Variants in AGO2 observed in about 807,000 individuals in gnomAD.
The protein encoded by AGO2 is protein argonaute-2.
In AGO2, 5 loss-of-function variants were observed where a neutral mutation model predicts 102.3. The observed-to-expected ratio is 0.05, with a 90% confidence interval of 0.03 to 0.10. The LOEUF (loss-of-function observed/expected upper bound fraction) is 0.10. AGO2 is among the 10% of genes least tolerant of loss of function. The probability of loss-of-function intolerance (pLI) is 1.00; values close to 1 mark genes in which losing one functional copy is unlikely to be tolerated. For synonymous variants in AGO2, 449 were observed against 473.1 expected (o/e 0.95, Z 0.66); for missense variants, 541 against 1,183.7 (o/e 0.46, Z 7.97).
chr8:140,527,940 CAG>C lies in AGO2; in HGVS notation c.*4102_*4103del, dbSNP rs1341708722. 1 of 152,244 alleles carries C rather than the reference CAG, an allele frequency of 6.6e-6. No homozygotes were observed. The highest frequency in any genetic ancestry group is 2.4e-5 in the African/African-American group (1 of 41,472). 9.4% of individuals were successfully genotyped at this position (152,244 alleles called of 1,614,324 possible). On this transcript the variant is annotated 3_prime_UTR_variant, in exon 19 of 19. Coordinates refer to ENST00000220592, the MANE Select transcript of AGO2 (RefSeq NM_012154.5). This position sits in a 1 kb window ranked among gnomAD's most constrained non-coding sequence, Gnocchi z 6.0. ...CCCGCCGAAGGACTCATCCAGTTCC[CAG>C]AGGCGCAGGGAACAAGCCACGGGCC...
rs1045858431 is a variant in AGO2 at position 140,544,446 on chromosome 8, C to T, written c.1749-143G>A. The stretch of plus-strand genomic sequence containing the variant: ...GAATCCTTATCTTTTAACCGGAATA[C>T]TAAAAACCCTGCAGATTAAATGACA... On this transcript the variant is annotated intron_variant, in intron 13 of 18. Transcript: ENST00000220592. The T allele has an allele frequency of 8.7e-6, 6 of 691,404 alleles. No individual in the cohort carries two copies. In the African/African-American group the frequency reaches 9.6e-5, roughly 11 times the overall value. 42.8% of individuals were successfully genotyped at this position (691,404 alleles called of 1,614,324 possible).
intron 17 of AGO2, among the ~76,000 whole-genome samples, chr8:140,533,871 C>T (rs1373063561): frequency 6.6e-6 from 1 of 151,968 alleles, no homozygotes. Flanking sequence ...AGAGTGTGAA[C>T]GTGAGTACCA....
chr8:140,617,271 T>C (rs2074153072), intron 1 of AGO2, among the ~76,000 whole-genome samples: 1 of 152,078 alleles, frequency 6.6e-6, no homozygotes, highest in South Asian at 2.1e-4. Flanking sequence ...ACTCTTTTTT[T>C]TTTTCGAGAT....
chr8:140,532,181 G>A lies in AGO2; in HGVS notation c.2472-29C>T, dbSNP rs777062259. 2.5e-6 allele frequency: 4 copies of A among 1,596,018 alleles called. No homozygotes were observed. The East Asian group carries it at 6.7e-5, about 27-fold the overall frequency. On this transcript the variant is annotated intron_variant, in intron 18 of 18. Transcript: ENST00000220592. Reference sequence around the variant, plus strand: ...CAGGGATGAGAGAGAGAGAGAATGAGAATGTGCAGCCTTAATGCACGATGA... The same window carrying A: ...CAGGGATGAGAGAGAGAGAGAATGAAAATGTGCAGCCTTAATGCACGATGA...
intron 2 of AGO2, among the ~76,000 whole-genome samples, chr8:140,582,576 T>A (rs2073573704): frequency 6.6e-6 from 1 of 152,132 alleles, no homozygotes; most frequent in Admixed American, 6.5e-5. Flanking sequence ...AACAGGTAAA[T>A]CAGTGGGGAA....
intron 1 of AGO2, among the ~76,000 whole-genome samples, chr8:140,628,385 A>ATG (rs2074301080): frequency 2.0e-5 from 3 of 152,288 alleles, no homozygotes; most frequent in Admixed American, 6.5e-5. Context: ...AGCTGCAGGC[A>ATG]CGTGTGTGTG....
At position 140,539,250 on chromosome 8, in the gene AGO2, G is replaced by T. The variant is rs2132873199; in HGVS notation, c.2169+70C>A. On this transcript the variant is annotated intron_variant, in intron 16 of 18. Coordinates refer to ENST00000220592, the MANE Select transcript of AGO2 (RefSeq NM_012154.5). This position sits in a 1 kb window ranked among gnomAD's most constrained non-coding sequence, Gnocchi z 4.7. ...GGCACTGTGGCCAGCAGGTTCTCTT[G>T]TGAGTGTGCTCGGGGTGTGGGGCTG... 2.0e-6 allele frequency: 3 copies of T among 1,528,582 alleles called. No individual in the cohort carries two copies. Among genetic ancestry groups the T allele is most frequent in the East Asian group, 4.6e-5 (2 of 43,478 alleles). 94.7% of individuals were successfully genotyped at this position (1,528,582 alleles called of 1,614,324 possible). A position where few individuals can be genotyped will look rare whatever the true frequency, so the allele number is the denominator to read the frequency against.
At chr8:140,597,161 C>A (rs536032125) in intron 1 of AGO2, among the ~76,000 whole-genome samples, 1 of 152,386 alleles carries the variant, frequency 6.6e-6, no homozygotes, top group African/African-American at 2.4e-5. Context: ...CACGCCCCTG[C>A]ACTGTGTCCC....
chr8:140,604,687 C>T (rs55663443), intron 1 of AGO2, among the ~76,000 whole-genome samples: 8,995 of 152,138 alleles, frequency 0.059, 770 homozygotes, highest in African/African-American at 0.19. Context: ...GTTAGCCGGG[C>T]GTGGTGGCGG....
At chr8:140,548,632 GT>G (rs1238488555) in intron 12 of AGO2, among the ~76,000 whole-genome samples, 1 of 152,192 alleles carries the variant, frequency 6.6e-6, no homozygotes, top group Non-Finnish European at 1.5e-5. Context: ...GAGAAGTGTG[GT>G]TTTTACATGT....
At chr8:140,582,383 C>G (rs1411732608) in intron 2 of AGO2, among the ~76,000 whole-genome samples, 4 of 152,194 alleles carry the variant, frequency 2.6e-5, no homozygotes, top group African/African-American at 7.2e-5. Context: ...AAAGGAAATG[C>G]TCATTGGAGC....
At chr8:140,605,788 G>A (rs2073990228) in intron 1 of AGO2, 1 of 152,266 alleles carries the variant, frequency 6.6e-6, no homozygotes, top group South Asian at 2.1e-4. Flanking sequence ...GGAGGAGAAA[G>A]CTACAAACCT....
At chr8:140,553,128 TG>T (rs2073031022) in intron 10 of AGO2, among the ~76,000 whole-genome samples, 1 of 152,208 alleles carries the variant, frequency 6.6e-6, no homozygotes, top group Non-Finnish European at 1.5e-5. Context: ...TCAGGTGCAG[TG>T]GCTTACACCT....
chr8:140,584,482 T>G (rs77229590), intron 2 of AGO2, among the ~76,000 whole-genome samples: 1 of 152,218 alleles, frequency 6.6e-6, no homozygotes, highest in Admixed American at 6.5e-5. Context: ...ATTCTACTCC[T>G]AGGTATTTAT....
intron 3 of AGO2, among the ~76,000 whole-genome samples, chr8:140,569,014 T>G (rs1377178547): frequency 6.6e-6 from 1 of 152,072 alleles, no homozygotes; most frequent in African/African-American, 2.4e-5. Flanking sequence ...TTCCTAGGCC[T>G]CTCCTCGCCC....
At chr8:140,580,866 C>A (rs138303884) in intron 2 of AGO2, among the ~76,000 whole-genome samples, 65 of 152,376 alleles carry the variant, frequency 4.3e-4, no homozygotes, top group African/African-American at 1.5e-3. Context: ...TTGGCCTTGG[C>A]CCTGTGCATG....
chr8:140,568,484 C>G (rs116166206), intron 3 of AGO2, among the ~76,000 whole-genome samples: 1 of 152,140 alleles, frequency 6.6e-6, no homozygotes, highest in African/African-American at 2.4e-5. Flanking sequence ...TGGCTGGCCA[C>G]GAGGATCCTG....
rs369362803 is a variant in AGO2, at chr8:140,544,872, G to A, written c.1749-569C>T. The stretch of plus-strand genomic sequence containing the variant: ...TCAGACCCTGAGTATATCCCAGTGG[G>A]GACTTCCCTGGGAGGCAGCACGCAC... On this transcript the variant is annotated intron_variant, in intron 13 of 18. Coordinates refer to ENST00000220592, the MANE Select transcript of AGO2 (RefSeq NM_012154.5). Among the ~76,000 whole-genome samples, 32 of 152,304 alleles carry A rather than the reference G, an allele frequency of 2.1e-4. 1 individual carries two copies. The highest frequency in any genetic ancestry group is 4.6e-4 in the Admixed American group (7 of 15,302).
At chr8:140,554,570 GA>G (rs1479994649) in intron 10 of AGO2, among the ~76,000 whole-genome samples, 7 of 152,200 alleles carry the variant, frequency 4.6e-5, no homozygotes, top group Non-Finnish European at 1.0e-4. Context: ...TTTTACAAAG[GA>G]GAAGGAACAC....
Sources: gnomAD v4.1 joint callset for allele counts (sites outside exome capture counted in the v4.1 genomes callset) on GRCh38, gnomAD v4.1.1 for gene constraint, Gnocchi (gnomAD v3.1) non-coding constraint, MANE v1.5 for transcripts, NCBI Gene and HGNC (gene_info 2026-07-23, HGNC 2026-07-21) for gene names.